Variants in GPC6 observed in about 807,000 individuals in gnomAD.
The protein encoded by GPC6 is glypican-6.
A neutral mutation model predicts 55.2 loss-of-function variants in GPC6; 14 were observed. The ratio of observed to expected loss-of-function variants is 0.25; its 90% confidence interval spans 0.17 to 0.40. The LOEUF (loss-of-function observed/expected upper bound fraction) is 0.40, where lower values mean the gene tolerates loss of function less well. Among genes scored for constraint, GPC6 ranks in the 10% least tolerant of loss-of-function variants. The pLI is 1.00. For synonymous variants in GPC6, 278 were observed against 259.6 expected, an observed-to-expected ratio of 1.07 and a Z score of -0.68; for missense variants, 641 against 708.5, an observed-to-expected ratio of 0.90 and a Z score of 1.08.
At chr13:93,900,712 T>A (rs948835345) in intron 3 of GPC6, among the ~76,000 whole-genome samples, 8 of 152,146 alleles carry the variant, frequency 5.3e-5, no homozygotes, top group African/African-American at 1.7e-4. Flanking sequence ...TACATAGTAT[T>A]TGGAAAAATT....
At chr13:93,585,206 C>T (rs976030287) in intron 2 of GPC6, among the ~76,000 whole-genome samples, 3 of 152,074 alleles carry the variant, frequency 2.0e-5, no homozygotes, top group Admixed American at 2.0e-4. Flanking sequence ...AATCAAATCA[C>T]GAACAGAAAT....
chr13:94,203,927 T>A (rs1889828291), intron 4 of GPC6, among the ~76,000 whole-genome samples: 1 of 152,150 alleles, frequency 6.6e-6, no homozygotes, highest in African/African-American at 2.4e-5. Flanking sequence ...GTCACTGGTG[T>A]ATCTGGAACC....
chr13:94,138,067 T>G (rs1014297634), intron 4 of GPC6, among the ~76,000 whole-genome samples: 1 of 152,208 alleles, frequency 6.6e-6, no homozygotes, highest in African/African-American at 2.4e-5. Context: ...TATCTACATG[T>G]ACAGGTTGAG....
chr13:93,607,751 C>T (rs946615168), intron 2 of GPC6, among the ~76,000 whole-genome samples: 11 of 152,266 alleles, frequency 7.2e-5, no homozygotes, highest in African/African-American at 2.2e-4. Context: ...CACCACTGCC[C>T]TGTGTGGCTT....
In GPC6 at chr13:93,843,638, G is replaced by A. The variant is rs571132976; in HGVS notation, c.711+13093G>A. ...TTCAAGCAATGTTTTTAAATTGGGCGGATTGACATAAAATATGGATTTCTA... is the reference window on the plus strand; with the variant it reads ...TTCAAGCAATGTTTTTAAATTGGGCAGATTGACATAAAATATGGATTTCTA... On this transcript the variant is annotated intron_variant, in intron 3 of 8. Transcript: ENST00000377047. Among the ~76,000 whole-genome samples the A allele has an allele frequency of 3.3e-5, 5 of 152,234 alleles. No individual in the cohort carries two copies. In the South Asian group the frequency reaches 6.2e-4, roughly 19 times the overall value.
At chr13:94,145,698 A>G (rs61962343) in intron 4 of GPC6, among the ~76,000 whole-genome samples, 26,727 of 152,146 alleles carry the variant, frequency 0.18, 2,745 homozygotes, top group Non-Finnish European at 0.23. Context: ...AACTTTTCCA[A>G]GTATGGGGGA....
intron 1 of GPC6, among the ~76,000 whole-genome samples, chr13:93,544,752 G>A (rs1464912947): frequency 6.6e-6 from 1 of 152,074 alleles, no homozygotes; most frequent in Non-Finnish European, 1.5e-5. Context: ...TCAACTTAGC[G>A]AATGAGACCT....
At chr13:93,883,068 T>C (rs2140311435) in intron 3 of GPC6, among the ~76,000 whole-genome samples, 1 of 151,588 alleles carries the variant, frequency 6.6e-6, no homozygotes, top group East Asian at 1.9e-4. Context: ...CCAGAGAATT[T>C]TGTAAAATTC....
chr13:93,710,538 CAG>C (rs1307278189), intron 2 of GPC6, among the ~76,000 whole-genome samples: 7 of 151,780 alleles, frequency 4.6e-5, no homozygotes, highest in African/African-American at 1.7e-4. Context: ...TTCCAAGAAA[CAG>C]AGCCAGCTTC....
At chr13:93,285,879 A>G (rs1878107532) in intron 1 of GPC6, among the ~76,000 whole-genome samples, 1 of 152,174 alleles carries the variant, frequency 6.6e-6, no homozygotes, top group Non-Finnish European at 1.5e-5. Context: ...TACTACATAA[A>G]ATCAAACTTA....
chr13:93,234,962 T>C (rs1284898249), intron 1 of GPC6, among the ~76,000 whole-genome samples: 1 of 152,110 alleles, frequency 6.6e-6, no homozygotes, highest in African/African-American at 2.4e-5. Flanking sequence ...ATACATGTAA[T>C]CAGCTACAAT....
chr13:94,064,953 A>G (rs983819559), intron 4 of GPC6, among the ~76,000 whole-genome samples: 32 of 152,230 alleles, frequency 2.1e-4, no homozygotes, highest in Admixed American at 2.6e-4. Flanking sequence ...TTTACTTCTC[A>G]TTTACCTTGT....
At chr13:93,261,534 T>C (rs1350940299) in intron 1 of GPC6, among the ~76,000 whole-genome samples, 1 of 152,154 alleles carries the variant, frequency 6.6e-6, no homozygotes, top group Non-Finnish European at 1.5e-5. Context: ...AAGAATCCAG[T>C]ATATAAGTGC....
rs533750350 is a variant in GPC6, at chr13:93,865,658, A to G, written c.711+35113A>G. Among the ~76,000 whole-genome samples the G allele has an allele frequency of 6.6e-5, 10 of 151,846 alleles. No individual in the cohort carries two copies. In the South Asian group the frequency reaches 1.9e-3, roughly 28 times the overall value. On this transcript the variant is annotated intron_variant, in intron 3 of 8. Transcript: ENST00000377047. ...GTCTTTCATATATTTACCTTCTCTC[A>G]TCAAGGCACATGATAATAAAGATAT...
chr13:93,868,693 G>A (rs1163014570), intron 3 of GPC6, among the ~76,000 whole-genome samples: 1 of 151,820 alleles, frequency 6.6e-6, no homozygotes, highest in East Asian at 2.0e-4. Flanking sequence ...CCAAGTTGTT[G>A]CTGAAGGGCA....
chr13:93,470,760 A>G (rs1594192981), intron 1 of GPC6, among the ~76,000 whole-genome samples: 1 of 152,020 alleles, frequency 6.6e-6, no homozygotes, highest in South Asian at 2.1e-4. Context: ...CAGTTAAACT[A>G]TATGGAAATT....
chr13:93,729,962 A>G (rs1883766468), intron 2 of GPC6, among the ~76,000 whole-genome samples: 2 of 152,216 alleles, frequency 1.3e-5, no homozygotes, highest in African/African-American at 4.8e-5. Context: ...ACAGAAAGTT[A>G]AATTTTTAAC....
At chr13:93,359,858 C>G (rs2139175843) in intron 1 of GPC6, among the ~76,000 whole-genome samples, 1 of 152,192 alleles carries the variant, frequency 6.6e-6, no homozygotes, top group Admixed American at 6.5e-5. Flanking sequence ...AATCTCCATG[C>G]ATTACTATCT....
At chr13:93,418,575 A>G (rs1295252754) in intron 1 of GPC6, among the ~76,000 whole-genome samples, 1 of 151,462 alleles carries the variant, frequency 6.6e-6, no homozygotes, top group African/African-American at 2.4e-5. Context: ...ATAGCACTAT[A>G]CCATAGTATC....
Sources: allele counts gnomAD v4.1 joint callset (sites outside exome capture counted in the v4.1 genomes callset), GRCh38; gene constraint gnomAD v4.1.1; transcripts MANE v1.5; gene names NCBI Gene and HGNC (gene_info 2026-07-23, HGNC 2026-07-21).